The following CDH13 variants were observed in gnomAD, a reference collection of about 807,000 sequenced individuals.
CDH13 encodes cadherin-13.
A neutral mutation model predicts 63.8 loss-of-function variants in CDH13; 24 were observed. The observed-to-expected ratio is 0.38, with a 90% CI of 0.27 to 0.53. The LOEUF (loss-of-function observed/expected upper bound fraction) is 0.53, where lower values mean the gene tolerates loss of function less well. Among genes scored for constraint, CDH13 ranks in the 20% least tolerant of loss-of-function variants. CDH13 has a pLI of 0.85. For missense variants in CDH13, 1,049 were observed against 903.1 expected, an observed-to-expected ratio of 1.16 and a Z score of -2.07; for synonymous variants, 503 against 355.3, an observed-to-expected ratio of 1.42 and a Z score of -4.67.
chr16:83,368,794 T>G (rs2091302357), intron 6 of CDH13, among the ~76,000 whole-genome samples: 1 of 150,090 alleles, frequency 6.7e-6, no homozygotes, highest in Admixed American at 6.6e-5. Flanking sequence ...CTGAGTTACT[T>G]CACTTAGAAT....
intron 6 of CDH13, among the ~76,000 whole-genome samples, chr16:83,471,749 C>T (rs1239636532): frequency 6.6e-6 from 1 of 152,142 alleles, no homozygotes; most frequent in Non-Finnish European, 1.5e-5. Flanking sequence ...TATGCTCACC[C>T]GAGCAGTGCC....
intron 4 of CDH13, among the ~76,000 whole-genome samples, chr16:83,155,288 T>A (rs1011542133): frequency 2.6e-5 from 4 of 152,132 alleles, no homozygotes; most frequent in East Asian, 3.9e-4. Flanking sequence ...GAGTCAGCAT[T>A]GTAAAGCAAA....
At chr16:82,747,150 A>G (rs1037561534) in intron 1 of CDH13, among the ~76,000 whole-genome samples, 10 of 152,218 alleles carry the variant, frequency 6.6e-5, no homozygotes, top group Admixed American at 3.3e-4. Context: ...TTGTTGTACC[A>G]TGATGACTGC....
At chr16:83,172,265 C>T (rs1437805815) in intron 4 of CDH13, among the ~76,000 whole-genome samples, 5 of 152,030 alleles carry the variant, frequency 3.3e-5, no homozygotes, top group Non-Finnish European at 7.4e-5. Context: ...CCGAGGCAGG[C>T]AGATCACTTG....
intron 6 of CDH13, among the ~76,000 whole-genome samples, chr16:83,390,188 A>G (rs543629247): frequency 3.9e-5 from 6 of 152,230 alleles, no homozygotes; most frequent in Non-Finnish European, 7.4e-5. Context: ...GAAACACTCA[A>G]TTTCATCGAA....
At chr16:83,511,132 A>ACACATGCACG (rs1245281715) in intron 7 of CDH13, among the ~76,000 whole-genome samples, 1 of 151,894 alleles carries the variant, frequency 6.6e-6, no homozygotes, top group East Asian at 1.9e-4. Context: ...GCACATGTGC[A>ACACATGCACG]CACATGCACG....
intron 9 of CDH13, among the ~76,000 whole-genome samples, chr16:83,676,743 C>T (rs1914987299): frequency 6.6e-6 from 1 of 152,178 alleles, no homozygotes; most frequent in Admixed American, 6.5e-5. Context: ...GAAGCATCTC[C>T]AGTGTGTGTA....
chr16:83,475,663 C>A (rs1053335765), intron 6 of CDH13, among the ~76,000 whole-genome samples: 4 of 151,374 alleles, frequency 2.6e-5, no homozygotes, highest in African/African-American at 9.7e-5. Context: ...CTCCCTGCAG[C>A]CTTCGCCTCT....
intron 2 of CDH13, among the ~76,000 whole-genome samples, chr16:83,029,119 AC>A (rs1916078211): frequency 6.6e-6 from 1 of 152,186 alleles, no homozygotes; most frequent in African/African-American, 2.4e-5. Flanking sequence ...TGTAGCACCT[AC>A]CCTTGAATGT....
chr16:82,703,106 TCCACTTATATAAA>T (rs2031185637), intron 1 of CDH13, among the ~76,000 whole-genome samples: 1 of 152,098 alleles, frequency 6.6e-6, no homozygotes, highest in Non-Finnish European at 1.5e-5. Flanking sequence ...TTTGTTTTGT[TCCACTTATATAAA>T]CCACTTATAT....
intron 4 of CDH13, among the ~76,000 whole-genome samples, chr16:83,196,420 G>A (rs142063202): frequency 6.6e-6 from 1 of 152,238 alleles, no homozygotes; most frequent in East Asian, 1.9e-4. Context: ...ACCCTAAAAT[G>A]AAATTTTGAT....
At chr16:82,869,205 C>T (rs2040257839) in intron 2 of CDH13, among the ~76,000 whole-genome samples, 1 of 152,134 alleles carries the variant, frequency 6.6e-6, no homozygotes. Flanking sequence ...CACCACCACG[C>T]CTGGCTAATT....
intron 11 of CDH13, among the ~76,000 whole-genome samples, chr16:83,770,051 C>A (rs774420404): frequency 4.6e-5 from 7 of 152,134 alleles, no homozygotes; most frequent in Non-Finnish European, 1.0e-4. Flanking sequence ...TTCCCGTCAA[C>A]CCTGTGGGGA....
chr16:83,428,741 TG>T (rs1320076252), intron 6 of CDH13, among the ~76,000 whole-genome samples: 1 of 152,238 alleles, frequency 6.6e-6, no homozygotes, highest in Non-Finnish European at 1.5e-5. Flanking sequence ...TTTGTTCCTT[TG>T]GGGAATAAGC....
intron 2 of CDH13, among the ~76,000 whole-genome samples, chr16:82,896,869 C>G (rs2041288526): frequency 6.9e-6 from 1 of 145,390 alleles, no homozygotes; most frequent in African/African-American, 2.6e-5. Flanking sequence ...CAAGCTCCGC[C>G]TCCCAGGTTC....
At chr16:82,703,289 C>G (rs894743183) in intron 1 of CDH13, among the ~76,000 whole-genome samples, 1 of 152,092 alleles carries the variant, frequency 6.6e-6, no homozygotes, top group Non-Finnish European at 1.5e-5. Flanking sequence ...CAGTGCCCTA[C>G]TTATGTTCCG....
intron 5 of CDH13, among the ~76,000 whole-genome samples, chr16:83,259,580 A>G (rs1906713640): frequency 1.3e-5 from 2 of 152,240 alleles, no homozygotes; most frequent in African/African-American, 4.8e-5. Flanking sequence ...GATTACAGGC[A>G]GAGAAACACT....
At position 83,202,413 on chromosome 16, in the gene CDH13, G is replaced by A. The variant is rs1161189895; in HGVS notation, c.484-14932G>A. 2.0e-5 allele frequency among the ~76,000 whole-genome samples: 3 copies of A among 152,226 alleles called. No homozygotes were observed. In the East Asian group the frequency reaches 5.8e-4, roughly 29 times the overall value. On this transcript the variant is annotated intron_variant, in intron 4 of 13. Transcript: ENST00000567109. ...TTGAATTTTTCCTGAAATCAATGGG[G>A]TGGGGGGCCCTGGAAAGATTTTAAT...
chr16:82,639,545 A>T lies in CDH13; in HGVS notation c.45+12408A>T, dbSNP rs1597187854. 3 of 896,172 alleles carry T rather than the reference A, an allele frequency of 3.3e-6. No homozygotes were observed. The East Asian group carries it at 7.9e-5, about 24-fold the overall frequency. 55.5% of individuals were successfully genotyped at this position (896,172 alleles called of 1,614,324 possible). ...GCTAAGAAACCCTGTTGCCTAAGTC[A>T]GTGCTTCCTGCAAGCTACTCTTTGT... On this transcript the variant is annotated intron_variant, in intron 1 of 13. Coordinates refer to ENST00000567109, the MANE Select transcript of CDH13 (RefSeq NM_001257.5).
Sources: gnomAD v4.1 joint callset for allele counts (sites outside exome capture counted in the v4.1 genomes callset) on GRCh38, gnomAD v4.1.1 for gene constraint, MANE v1.5 for transcripts, NCBI Gene and HGNC (gene_info 2026-07-23, HGNC 2026-07-21) for gene names.